Variants in CARS1 observed in about 807,000 individuals in gnomAD.
CARS1 encodes cysteinyl-tRNA synthetase 1, also known as cysteine--tRNA ligase, cytoplasmic.
Under a neutral mutation model 106.2 loss-of-function variants are expected in CARS1, and 48 were observed. That is an observed-to-expected ratio of 0.45 (90% CI 0.36 to 0.57). The LOEUF (loss-of-function observed/expected upper bound fraction) is 0.57. Among genes scored for constraint, CARS1 ranks in the 20% least tolerant of loss-of-function variants. The probability of loss-of-function intolerance (pLI) is 0.00; values close to 1 mark genes in which losing one functional copy is unlikely to be tolerated. For synonymous variants in CARS1, 409 were observed against 403.4 expected (o/e 1.01, Z -0.17); for missense variants, 968 against 1,057.2 (o/e 0.92, Z 1.17).
intron 12 of CARS1, 122 bp from the exon 13 acceptor site, chr11:3,018,871 T>C (rs1851296999): frequency 7.4e-7 from 1 of 1,343,736 alleles, no homozygotes; most frequent in East Asian, 2.4e-5. Flanking sequence ...TTCCAGGTGG[T>C]GCAGGCAGGG....
In CARS1 at chr11:3,017,511, C is replaced by T. The variant is rs768341386; in HGVS notation, c.1728-216G>A. On this transcript the variant is annotated intron_variant, in intron 15 of 22. Transcript: ENST00000380525. The surrounding 1 kb of genome is among the most constrained non-coding windows in gnomAD (Gnocchi z 4.9). ...ATCTGAAATTAGCCAGGTATGGTGG[C>T]GCATGCCTGTAACCCCAGCTACTCG... is the stretch of plus-strand genomic sequence containing the variant. The T allele has an allele frequency of 4.7e-5, 27 of 576,258 alleles. No individual in the cohort carries two copies. Among genetic ancestry groups the T allele is most frequent in the East Asian group, 3.7e-4 (13 of 35,274 alleles). 35.7% of individuals were successfully genotyped at this position (576,258 alleles called of 1,614,324 possible). A position where few individuals can be genotyped will look rare whatever the true frequency, so the allele number is the denominator to read the frequency against.
rs1851469386 is a variant in CARS1 at position 3,020,385 on chromosome 11, A to C, written c.1154-53T>G. 9 of 1,083,628 alleles carry C rather than the reference A, an allele frequency of 8.3e-6. No individual in the cohort carries two copies. In the Admixed American group the frequency reaches 1.0e-4, roughly 12 times the overall value. The allele number at this position is 1,083,628 out of a possible 1,614,324, so 67.1% of individuals were successfully genotyped here. A position where few individuals can be genotyped will look rare whatever the true frequency, so the allele number is the denominator to read the frequency against. On this transcript the variant is annotated intron_variant, in intron 10 of 22. Coordinates refer to ENST00000380525, the MANE Select transcript of CARS1 (RefSeq NM_001014437.3). The surrounding 1 kb of genome is among the most constrained non-coding windows in gnomAD (Gnocchi z 4.6). ...GTCACTCAGCAGCACCCACAGACCC[A>C]CATGTCTCACTTCAAGGCCATCCAC...
rs369090441 is a variant in CARS1 at position 3,042,136 on chromosome 11, G to A, written c.366+29C>T. The A allele has an allele frequency of 4.6e-5, 71 of 1,557,010 alleles. No individual in the cohort carries two copies. In the African/African-American group the frequency reaches 4.7e-4, roughly 10 times the overall value. On this transcript the variant is annotated intron_variant, in intron 3 of 22. Transcript: ENST00000380525. ...TGCCTCCTGCCTCCCCATTGTGTGC[G>A]TGTGCCACGGCATCTGTGTTCTCCT...
intron 17 of CARS1, among the ~76,000 whole-genome samples, chr11:3,012,884 CTTTTTTT>C (rs768906268): frequency 1.4e-4 from 16 of 116,912 alleles, no homozygotes; most frequent in South Asian, 5.2e-4. Context: ...CTATATTTCC[CTTTTTTT>C]TTTTTTTTTT....
In CARS1 at chr11:3,034,674, C is replaced by T. The variant is rs6578316; in HGVS notation, c.801+3376G>A. On this transcript the variant is annotated intron_variant, in intron 7 of 22. Coordinates refer to ENST00000380525, the MANE Select transcript of CARS1 (RefSeq NM_001014437.3). This position sits in a 1 kb window ranked among gnomAD's most constrained non-coding sequence, Gnocchi z 6.3. Reference sequence around the variant, plus strand: ...CCTCCCAAGTAGCTGGGATTACAGGCACACGCCACAACACCCAGCTAATTT... The same window carrying T: ...CCTCCCAAGTAGCTGGGATTACAGGTACACGCCACAACACCCAGCTAATTT... Among the ~76,000 whole-genome samples, 7,674 of 152,072 alleles carry T rather than the reference C, an allele frequency of 0.05. 686 individuals carry two copies. Among genetic ancestry groups the T allele is most frequent in the African/African-American group, 0.18 (7,253 of 41,432 alleles).
Position 3,055,610 on chromosome 11 carries a change from G to T in CARS1, c.25+1733C>A, listed in dbSNP as rs529098993. Among the ~76,000 whole-genome samples the T allele has an allele frequency of 1.5e-3, 222 of 152,362 alleles. 1 individual carries two copies. The highest frequency in any genetic ancestry group is 0.014 in the Middle Eastern group (4 of 294). ...GCCTGCTGCCCTGACAGCCCGGAGA[G>T]GGCAATCCCAACCTATATGGCAAGC... On this transcript the variant is annotated intron_variant, in intron 1 of 22. Transcript: ENST00000380525.
At chr11:3,012,166 C>T in intron 18 of CARS1, 29 bp downstream of exon 18, 2 of 1,602,124 alleles carry the variant, frequency 1.2e-6, no homozygotes, top group South Asian at 2.2e-5. Context: ...GGAGTGGCTC[C>T]CACACTCTTT....
In CARS1 at chr11:3,003,781, T is replaced by C. The variant is rs953512314; in HGVS notation, c.2218-1181A>G. ...TTTCCCTTTAAAAGTTAGTATGTGT[T>C]TATGTGCTGGTGGGAATGGTACAGG... On this transcript the variant is annotated intron_variant, in intron 20 of 22. Coordinates refer to ENST00000380525, the MANE Select transcript of CARS1 (RefSeq NM_001014437.3). The surrounding 1 kb of genome is among the most constrained non-coding windows in gnomAD (Gnocchi z 4.8). Among the ~76,000 whole-genome samples the C allele has an allele frequency of 3.3e-5, 5 of 152,088 alleles. No homozygotes were observed.
At position 3,019,096 on chromosome 11, in the gene CARS1, A is replaced by T. The variant is rs774361768; in HGVS notation, c.1395+43T>A. 2.7e-6 allele frequency: 4 copies of T among 1,496,184 alleles called. No homozygotes were observed. In the South Asian group the frequency reaches 5.7e-5, roughly 21 times the overall value. 92.7% of individuals were successfully genotyped at this position (1,496,184 alleles called of 1,614,324 possible). ...ACTTTTCCTCCACTGCAGTATGAAC[A>T]CTGTGCTCTTGCACCTGACAAGGGG... On this transcript the variant is annotated intron_variant, in intron 12 of 22. Transcript: ENST00000380525. This position sits in a 1 kb window ranked among gnomAD's most constrained non-coding sequence, Gnocchi z 6.2.
intron 7 of CARS1, among the ~76,000 whole-genome samples, chr11:3,032,803 T>C (rs1210145907): frequency 6.6e-6 from 1 of 151,200 alleles, no homozygotes; most frequent in Admixed American, 6.6e-5. Context: ...AGTGAAACTA[T>C]TCTGTGTGAT....
At chr11:3,011,605 C>T (rs1050923919) in intron 18 of CARS1, among the ~76,000 whole-genome samples, 23 of 152,122 alleles carry the variant, frequency 1.5e-4, no homozygotes, top group African/African-American at 5.6e-4. Context: ...CAGAGTGAGA[C>T]TCCATCTCAA....
At position 3,037,032 on chromosome 11, in the gene CARS1, G is replaced by A. The variant is rs1443538078; in HGVS notation, c.801+1018C>T. Among the ~76,000 whole-genome samples the A allele has an allele frequency of 2.6e-5, 4 of 152,046 alleles. No homozygotes were observed. Among genetic ancestry groups the A allele is most frequent in the Non-Finnish European group, 5.9e-5 (4 of 68,012 alleles). ...TTAAAAAAAAAAAAAGAATATTAGT[G>A]GAACAACTGGGAAAAAAATTACAGC... On this transcript the variant is annotated intron_variant, in intron 7 of 22. Transcript: ENST00000380525. This position sits in a 1 kb window ranked among gnomAD's most constrained non-coding sequence, Gnocchi z 5.9.
rs1854415238 is a variant in CARS1 at position 3,041,299 on chromosome 11, G to A, written c.367-315C>T. 2.4e-5 allele frequency: 9 copies of A among 370,376 alleles called. 1 individual carries two copies. In the South Asian group the frequency reaches 2.6e-4, roughly 11 times the overall value. The allele number at this position is 370,376 out of a possible 1,614,324, so 22.9% of individuals were successfully genotyped here. Reference sequence around the variant, plus strand: ...ATGCTGCTTATTTAACAATAACACAGCTAATATTTACTGAGTACCTACCAT... The same window carrying A: ...ATGCTGCTTATTTAACAATAACACAACTAATATTTACTGAGTACCTACCAT... On this transcript the variant is annotated intron_variant, in intron 3 of 22. Coordinates refer to ENST00000380525, the MANE Select transcript of CARS1 (RefSeq NM_001014437.3). The surrounding 1 kb of genome is among the most constrained non-coding windows in gnomAD (Gnocchi z 4.9).
intron 10 of CARS1, among the ~76,000 whole-genome samples, chr11:3,024,085 G>C (rs1376124907): frequency 6.6e-6 from 1 of 152,068 alleles, no homozygotes; most frequent in Non-Finnish European, 1.5e-5. Flanking sequence ...TAGAGATGGG[G>C]TTTCACCACA....
chr11:3,047,962 G>C lies in CARS1; in HGVS notation c.65C>G (p.Ala22Gly), dbSNP rs1855280920. 6.2e-7 allele frequency: 1 copy of C among 1,614,140 alleles called. No homozygotes were observed. The highest frequency in any genetic ancestry group is 2.2e-5 in the East Asian group (1 of 44,888). Reference sequence around the variant, plus strand: ...CTCGTTCAGGGCTTGTGCCCTGGCTGCCTCGTCACTAATGCTCAGAATGGA... The same window carrying C: ...CTCGTTCAGGGCTTGTGCCCTGGCTCCCTCGTCACTAATGCTCAGAATGGA... Reference protein sequence around the residue: ...YRSILSISDEAARAQALNEHL... With the variant: ...YRSILSISDEGARAQALNEHL... Residue 22 changes from alanine to glycine, a missense_variant, in exon 2 of 23, where the codon GCA becomes GGA. Transcript: ENST00000380525.
At position 3,039,541 on chromosome 11, in the gene CARS1, T is replaced by A. The variant is rs1267678839; in HGVS notation, c.553-249A>T. On this transcript the variant is annotated intron_variant, in intron 5 of 22. Coordinates refer to ENST00000380525, the MANE Select transcript of CARS1 (RefSeq NM_001014437.3). This position sits in a 1 kb window ranked among gnomAD's most constrained non-coding sequence, Gnocchi z 5.6. ...GAAATGAGCCCTGGGGGCCCCAGCT[T>A]CCCCTGCAAGCCACATGTCGAAGTG... 6.6e-6 allele frequency among the ~76,000 whole-genome samples: 1 copy of A among 152,096 alleles called. No individual in the cohort carries two copies. Among genetic ancestry groups the A allele is most frequent in the African/African-American group, 2.4e-5 (1 of 41,404 alleles).
chr11:3,026,914 A>T, intron 9 of CARS1, 117 bp from the exon 10 acceptor site: 1 of 1,116,892 alleles, frequency 9.0e-7, no homozygotes, highest in Admixed American at 2.2e-5. Flanking sequence ...TGGCCTATCT[A>T]CTCTCTGTGG....
chr11:3,035,994 G>A (rs1271119574), intron 7 of CARS1, among the ~76,000 whole-genome samples: 2 of 152,236 alleles, frequency 1.3e-5, no homozygotes, highest in East Asian at 1.9e-4. Context: ...TTATGCAGGT[G>A]GAACACCAGC....
chr11:3,026,138 A>C (rs1852049628), intron 10 of CARS1, among the ~76,000 whole-genome samples: 1 of 152,168 alleles, frequency 6.6e-6, no homozygotes, highest in Admixed American at 6.5e-5. Context: ...GGAGCTAAAA[A>C]ACGGTGGACC....
Sources: allele counts gnomAD v4.1 joint callset (sites outside exome capture counted in the v4.1 genomes callset), GRCh38; gene constraint gnomAD v4.1.1; non-coding constraint Gnocchi (gnomAD v3.1); transcripts MANE v1.5; gene names NCBI Gene and HGNC (gene_info 2026-07-23, HGNC 2026-07-21).